Variants in FOXP1 observed in about 807,000 individuals in gnomAD.
The protein encoded by FOXP1 is forkhead box protein P1.
Under a neutral mutation model 98.2 loss-of-function variants are expected in FOXP1, and 15 were observed. That is an observed-to-expected ratio of 0.15 (90% confidence interval 0.10 to 0.24). FOXP1 has a LOEUF of 0.24. Among genes scored for constraint, FOXP1 ranks in the 10% least tolerant of loss-of-function variants. FOXP1 has a pLI of 1.00. For synonymous variants in FOXP1, 371 were observed against 314.5 expected, an observed-to-expected ratio of 1.18 and a Z score of -1.90; for missense variants, 633 against 848.5, an observed-to-expected ratio of 0.75 and a Z score of 3.15.
At chr3:71,563,472 TTCTC>T (rs1326048905) in intron 2 of FOXP1, among the ~76,000 whole-genome samples, 3 of 152,128 alleles carry the variant, frequency 2.0e-5, no homozygotes, top group African/African-American at 4.8e-5. Flanking sequence ...CAACTGTGGG[TTCTC>T]TCTAAATCCT....
At chr3:70,971,041 T>C (rs2107162924) in intron 18 of FOXP1, 1 of 505,982 alleles carries the variant, frequency 2.0e-6, no homozygotes, top group South Asian at 2.0e-5. Context: ...CTGGCTTAGG[T>C]AGTAACAGGC....
chr3:71,048,441 A>G (rs750137385), intron 9 of FOXP1, among the ~76,000 whole-genome samples: 12 of 152,152 alleles, frequency 7.9e-5, no homozygotes, highest in Admixed American at 5.2e-4. Flanking sequence ...TACAGTAAAA[A>G]CCATCATTCT....
At chr3:71,135,358 A>C (rs576793218) in intron 6 of FOXP1, among the ~76,000 whole-genome samples, 1 of 152,054 alleles carries the variant, frequency 6.6e-6, no homozygotes, top group East Asian at 1.9e-4. Context: ...ACCAATATCC[A>C]TTTGTACATG....
chr3:70,977,266 T>C (rs1323620409), intron 16 of FOXP1, among the ~76,000 whole-genome samples: 1 of 152,110 alleles, frequency 6.6e-6, no homozygotes, highest in Non-Finnish European at 1.5e-5. Context: ...CGTACAGAAA[T>C]ATTAATTTAT....
At chr3:71,308,813 G>C (rs182377333) in intron 4 of FOXP1, among the ~76,000 whole-genome samples, 1 of 145,852 alleles carries the variant, frequency 6.9e-6, no homozygotes, top group Non-Finnish European at 1.5e-5. Flanking sequence ...GTGTGGGTGA[G>C]GGGGGACAGC....
At chr3:71,416,588 A>ACGCACACGCACACG (rs1469244287) in intron 3 of FOXP1, among the ~76,000 whole-genome samples, 2 of 147,632 alleles carry the variant, frequency 1.4e-5, no homozygotes, top group African/African-American at 5.1e-5. Flanking sequence ...ACACACACAC[A>ACGCACACGCACACG]CACACGCAAA....
chr3:71,225,666 C>T (rs1055503479), intron 5 of FOXP1, among the ~76,000 whole-genome samples: 1 of 152,148 alleles, frequency 6.6e-6, no homozygotes, highest in South Asian at 2.1e-4. Context: ...TTTTCCTTGC[C>T]AGAAATAGCT....
chr3:71,507,768 G>A (rs2041930235), intron 2 of FOXP1, among the ~76,000 whole-genome samples: 1 of 152,050 alleles, frequency 6.6e-6, no homozygotes, highest in African/African-American at 2.4e-5. Flanking sequence ...TAGTAGAGAT[G>A]GGGTTTCACC....
In FOXP1 at chr3:70,957,365, A is replaced by T. The variant is rs1346866224; in HGVS notation, c.*1882T>A. 4.4e-6 allele frequency: 1 copy of T among 229,334 alleles called. No individual in the cohort carries two copies. The highest frequency in any genetic ancestry group is 8.7e-6 in the Non-Finnish European group (1 of 115,550). 14.2% of individuals were successfully genotyped at this position (229,334 alleles called of 1,614,324 possible). A position where few individuals can be genotyped will look rare whatever the true frequency, so the allele number is the denominator to read the frequency against. ...TGGTCTTCTAAATTTACGATGAAGG[A>T]GCAGTTCTCTTTCTCAGGTTGCAAT... is the stretch of plus-strand genomic sequence containing the variant. On this transcript the variant is annotated 3_prime_UTR_variant, in exon 21 of 21. Transcript: ENST00000649528.
chr3:71,121,146 T>C (rs965781628), intron 6 of FOXP1, among the ~76,000 whole-genome samples: 1 of 151,768 alleles, frequency 6.6e-6, no homozygotes, highest in Non-Finnish European at 1.5e-5. Flanking sequence ...TGAGCTCAAA[T>C]GCCATCCTGC....
At chr3:71,005,486 A>T (rs975205581) in intron 12 of FOXP1, among the ~76,000 whole-genome samples, 2 of 152,020 alleles carry the variant, frequency 1.3e-5, no homozygotes, top group African/African-American at 4.8e-5. Context: ...ACACATATTA[A>T]ATCTGAGGAT....
intron 3 of FOXP1, among the ~76,000 whole-genome samples, chr3:71,373,915 T>G (rs979645480): frequency 3.3e-5 from 5 of 152,200 alleles, no homozygotes; most frequent in African/African-American, 1.2e-4. Flanking sequence ...CTGAATCTTT[T>G]CAAATAAAGT....
intron 3 of FOXP1, among the ~76,000 whole-genome samples, chr3:71,369,491 T>A (rs796731531): frequency 2.0e-5 from 3 of 152,208 alleles, no homozygotes; most frequent in African/African-American, 7.2e-5. Context: ...GCCTCCTGGG[T>A]TCAAGCGATT....
intron 7 of FOXP1, among the ~76,000 whole-genome samples, chr3:71,059,237 A>G (rs1199111174): frequency 6.6e-6 from 1 of 152,192 alleles, no homozygotes; most frequent in Non-Finnish European, 1.5e-5. Context: ...TCGCCTGCCA[A>G]TCAGGAGTTA....
chr3:71,062,714 C>T (rs1463206378), intron 7 of FOXP1, among the ~76,000 whole-genome samples: 1 of 152,166 alleles, frequency 6.6e-6, no homozygotes, highest in African/African-American at 2.4e-5. Flanking sequence ...CCTTAACTAA[C>T]CAACTTTTCG....
At chr3:71,039,590 G>T (rs1218315336) in intron 11 of FOXP1, among the ~76,000 whole-genome samples, 1 of 152,128 alleles carries the variant, frequency 6.6e-6, no homozygotes, top group Non-Finnish European at 1.5e-5. Context: ...AAGTGCATCA[G>T]TCGGCGTTTT....
chr3:71,425,286 TTTG>T (rs1050690726), intron 3 of FOXP1, among the ~76,000 whole-genome samples: 3 of 152,022 alleles, frequency 2.0e-5, no homozygotes, highest in South Asian at 2.1e-4. Flanking sequence ...CGGCTAATTA[TTTG>T]TTGTTGTTGT....
chr3:71,467,950 G>A (rs532426955), intron 3 of FOXP1, among the ~76,000 whole-genome samples: 1 of 152,234 alleles, frequency 6.6e-6, no homozygotes, highest in South Asian at 2.1e-4. Context: ...TATGTTACAA[G>A]TCTATTCATG....
rs1363517279 is a variant in FOXP1, at chr3:70,955,030, T to G, written c.*4217A>C. The G allele has an allele frequency of 8.6e-6, 2 of 231,984 alleles. No homozygotes were observed. The highest frequency in any genetic ancestry group is 4.4e-5 in the African/African-American group (2 of 45,260). The allele number at this position is 231,984 out of a possible 1,614,324, so 14.4% of individuals were successfully genotyped here. A position where few individuals can be genotyped will look rare whatever the true frequency, so the allele number is the denominator to read the frequency against. On this transcript the variant is annotated 3_prime_UTR_variant, in exon 21 of 21. Transcript: ENST00000649528. ...TGGGCCCAAGAAATGCCTTCAGCAT[T>G]GTAAATCTGATTTTCAGGATAAAGA... is the stretch of plus-strand genomic sequence containing the variant.
Sources: gnomAD v4.1 joint callset for allele counts (sites outside exome capture counted in the v4.1 genomes callset) on GRCh38, gnomAD v4.1.1 for gene constraint, MANE v1.5 for transcripts, NCBI Gene and HGNC (gene_info 2026-07-23, HGNC 2026-07-21) for gene names.